Variants in DNAH11 observed in about 807,000 individuals in gnomAD.
DNAH11 encodes the protein dynein axonemal heavy chain 11.
Under a neutral mutation model 526.0 loss-of-function variants are expected in DNAH11, and 442 were observed. The observed-to-expected ratio is 0.84, with a 90% CI of 0.78 to 0.91. The LOEUF (loss-of-function observed/expected upper bound fraction) is 0.91. Ranked by LOEUF, DNAH11 falls within the 40% of genes least tolerant of loss-of-function variation. The pLI, the probability that DNAH11 is intolerant of heterozygous loss-of-function variation, is 0.00. For synonymous variants in DNAH11, 2,461 were observed against 1,935.9 expected (o/e 1.27, Z -7.12); for missense variants, 6,989 against 5,448.7 (o/e 1.28, Z -8.90).
intron 42 of DNAH11, among the ~76,000 whole-genome samples, chr7:21,712,575 G>A (rs1289871313): frequency 6.6e-6 from 1 of 152,198 alleles, no homozygotes; most frequent in African/African-American, 2.4e-5. Flanking sequence ...ATGCTAATGG[G>A]CATGAGGTGA....
chr7:21,640,125 T>C (rs1787055993), intron 28 of DNAH11, among the ~76,000 whole-genome samples: 1 of 152,246 alleles, frequency 6.6e-6, no homozygotes, highest in South Asian at 2.1e-4. Context: ...AGGTTCAGGG[T>C]CACCACTCAG....
intron 74 of DNAH11, among the ~76,000 whole-genome samples, chr7:21,874,598 TTCCACC>T (rs561896677): frequency 1.2e-3 from 175 of 152,146 alleles, no homozygotes; most frequent in Non-Finnish European, 1.4e-3. Flanking sequence ...GGCCTCCCAA[TTCCACC>T]TTGGCTGGAA....
intron 51 of DNAH11, among the ~76,000 whole-genome samples, chr7:21,747,430 G>C (rs1448709192): frequency 6.6e-6 from 1 of 152,150 alleles, no homozygotes. Context: ...TTTCAGAAAA[G>C]CACCCTAGAG....
At chr7:21,659,870 T>G in intron 30 of DNAH11, among the ~76,000 whole-genome samples, 1 of 152,146 alleles carries the variant, frequency 6.6e-6, no homozygotes, top group East Asian at 1.9e-4. Flanking sequence ...GTTAACACAT[T>G]TGAAGATTCA....
At chr7:21,853,276 C>T (rs1479455380) in intron 67 of DNAH11, among the ~76,000 whole-genome samples, 2 of 152,156 alleles carry the variant, frequency 1.3e-5, no homozygotes, top group Admixed American at 6.5e-5. Context: ...GAATTAGACC[C>T]TTATTTGCTT....
intron 9 of DNAH11, among the ~76,000 whole-genome samples, chr7:21,582,342 C>T (rs1168647957): frequency 2.6e-5 from 4 of 152,122 alleles, no homozygotes; most frequent in Non-Finnish European, 5.9e-5. Flanking sequence ...GTGAAAAATA[C>T]CTTAATTCAG....
chr7:21,724,540 C>G (rs1051705960), intron 44 of DNAH11, among the ~76,000 whole-genome samples: 1 of 151,072 alleles, frequency 6.6e-6, no homozygotes, highest in Non-Finnish European at 1.5e-5. Context: ...TTTAAGAGTT[C>G]ATCAAACTCA....
chr7:21,807,411 A>T (rs921799427), intron 62 of DNAH11, among the ~76,000 whole-genome samples: 4 of 152,210 alleles, frequency 2.6e-5, no homozygotes, highest in African/African-American at 9.6e-5. Context: ...AAGTGAGAAG[A>T]TGGCTTAAGC....
intron 14 of DNAH11, among the ~76,000 whole-genome samples, chr7:21,597,366 A>G (rs180827563): frequency 1.3e-5 from 2 of 152,252 alleles, no homozygotes; most frequent in East Asian, 3.9e-4. Flanking sequence ...TACTAGTGCG[A>G]CGCTGAATGT....
In DNAH11 at chr7:21,854,356, C is replaced by A; in HGVS notation, c.11103C>A (p.Ala3701=). 1.2e-6 allele frequency: 2 copies of A among 1,613,578 alleles called. No individual in the cohort carries two copies. Among genetic ancestry groups the A allele is most frequent in the East Asian group, 2.2e-5 (1 of 44,848 alleles). ...AAAATGAAAGAAAAATCAACGAGGC[C>A]CGAGAATGTTACAGACCAGTGGCAG... ...AKENERKINE[A]RECYRPVAAR... The change falls in exon 68 of 82, where the codon GCC becomes GCA. Residue 3701 remains alanine (A), a synonymous_variant. Coordinates refer to ENST00000409508, the MANE Select transcript of DNAH11 (RefSeq NM_001277115.2).
In DNAH11 at chr7:21,588,550, A is replaced by T. The variant is rs748483853; in HGVS notation, c.1887A>T (p.Pro629=). The part of the protein sequence containing the change: ...CGHVVLNKNM[P]FTSGNMKWAQ... ...ATGTAGTTCTTAACAAGAACATGCC[A>T]TTTACCTCAGGAAATATGAAATGGG... The change falls in exon 11 of 82, where the codon CCA becomes CCT. Residue 629 remains proline (P), a synonymous_variant. Transcript: ENST00000409508. 3.7e-6 allele frequency: 6 copies of T among 1,613,720 alleles called. No homozygotes were observed. Among genetic ancestry groups the T allele is most frequent in the Non-Finnish European group, 4.2e-6 (5 of 1,179,632 alleles).
chr7:21,695,407 T>A (rs987186212), intron 35 of DNAH11, among the ~76,000 whole-genome samples: 57 of 152,094 alleles, frequency 3.7e-4, no homozygotes, highest in Non-Finnish European at 1.5e-5. Context: ...TATAGACCAA[T>A]GGAACAGAAC....
At chr7:21,623,379 A>G (rs989754985) in intron 25 of DNAH11, among the ~76,000 whole-genome samples, 10 of 151,606 alleles carry the variant, frequency 6.6e-5, no homozygotes, top group African/African-American at 2.2e-4. Flanking sequence ...ACTGTAAACT[A>G]GTTCAACCCT....
Position 21,862,039 on chromosome 7 carries a change from A to G in DNAH11, c.11373+16A>G. The G allele has an allele frequency of 6.2e-7, 1 of 1,600,504 alleles. No individual in the cohort carries two copies. Among genetic ancestry groups the G allele is most frequent in the South Asian group, 1.1e-5 (1 of 88,536 alleles). ...GGCTTTTCAGGTAAGGAGATCAGTTACTTGAAAAAGGATCCCCAGAACCAA... is the reference window on the plus strand; with the variant it reads ...GGCTTTTCAGGTAAGGAGATCAGTTGCTTGAAAAAGGATCCCCAGAACCAA... On this transcript the variant is annotated intron_variant, in intron 69 of 81. Coordinates refer to ENST00000409508, the MANE Select transcript of DNAH11 (RefSeq NM_001277115.2).
Position 21,659,029 on chromosome 7 carries a change from C to G in DNAH11, c.5326C>G (p.Gln1776Glu), listed in dbSNP as rs771819630. The part of the protein sequence containing the change: ...ETALKDFHKK[Q>E]ISQLNTLITL... ...AGCCCTGAAGGATTTCCATAAAAAA[C>G]AGGTATTACATAGATTTGTGATTTT... The change falls in exon 30 of 82, where the codon CAG becomes GAG. Residue 1776 changes from glutamine (Q) to glutamate (E), a missense_variant and splice_region_variant. Physicochemically the swap from Gln to Glu is conservative, Grantham distance 29. Coordinates refer to ENST00000409508, the MANE Select transcript of DNAH11 (RefSeq NM_001277115.2). The G allele has an allele frequency of 6.3e-7, 1 of 1,583,686 alleles. No homozygotes were observed. Among genetic ancestry groups the G allele is most frequent in the Non-Finnish European group, 8.6e-7 (1 of 1,165,074 alleles).
intron 42 of DNAH11, among the ~76,000 whole-genome samples, chr7:21,712,357 T>G (rs1417920357): frequency 6.6e-6 from 1 of 152,234 alleles, no homozygotes; most frequent in African/African-American, 2.4e-5. Flanking sequence ...TACAAATATC[T>G]CTTCAAGACC....
rs1253081999 is a variant in DNAH11, at chr7:21,552,088, A to G, written c.496-6714A>G. 2.0e-5 allele frequency among the ~76,000 whole-genome samples: 3 copies of G among 152,064 alleles called. No homozygotes were observed. In the East Asian group the frequency reaches 5.8e-4, roughly 29 times the overall value. On this transcript the variant is annotated intron_variant, in intron 2 of 81. Coordinates refer to ENST00000409508, the MANE Select transcript of DNAH11 (RefSeq NM_001277115.2). ...CAGAATCAAGAAGCTTGGAGGCAAA[A>G]GCAACAGGTTCCCTCTTCCCTCCCC...
At chr7:21,624,208 C>G (rs553073615) in intron 25 of DNAH11, among the ~76,000 whole-genome samples, 5 of 151,866 alleles carry the variant, frequency 3.3e-5, no homozygotes, top group Non-Finnish European at 7.4e-5. Context: ...ATACTGAATA[C>G]CTTTCAGTGT....
intron 22 of DNAH11, among the ~76,000 whole-genome samples, chr7:21,616,678 A>G (rs1785797468): frequency 6.6e-6 from 1 of 152,196 alleles, no homozygotes; most frequent in Non-Finnish European, 1.5e-5. Flanking sequence ...ATTTGGGGCA[A>G]CTAATAGGAG....
Sources: gnomAD v4.1 joint callset for allele counts (sites outside exome capture counted in the v4.1 genomes callset) on GRCh38, gnomAD v4.1.1 for gene constraint, MANE v1.5 for transcripts, NCBI Gene and HGNC (gene_info 2026-07-23, HGNC 2026-07-21) for gene names.